The following RIN2 variants were observed in gnomAD, a reference collection of about 807,000 sequenced individuals.
RIN2 encodes the protein RAB5 interacting protein 2.
A neutral mutation model predicts 78.0 loss-of-function variants in RIN2; 36 were observed. That is an observed-to-expected ratio of 0.46 (90% CI 0.35 to 0.61). RIN2 has a LOEUF of 0.61. Ranked by LOEUF, RIN2 falls within the 20% of genes least tolerant of loss-of-function variation. The pLI is 0.00. For synonymous variants in RIN2, 466 were observed against 466.8 expected, an observed-to-expected ratio of 1.00 and a Z score of 0.02; for missense variants, 1,087 against 1,159.7, an observed-to-expected ratio of 0.94 and a Z score of 0.91.
intron 3 of RIN2, among the ~76,000 whole-genome samples, chr20:19,911,139 G>A (rs1050674694): frequency 4.6e-5 from 7 of 151,292 alleles, no homozygotes; most frequent in Admixed American, 6.6e-5. Flanking sequence ...CAACCTCTGC[G>A]TCCCAGTTTC....
At chr20:19,832,981 A>G (rs1193234845) in intron 2 of RIN2, among the ~76,000 whole-genome samples, 5 of 152,140 alleles carry the variant, frequency 3.3e-5, no homozygotes, top group African/African-American at 4.8e-5. Context: ...AGCAGCCCCT[A>G]TGCTCCAGAG....
chr20:19,979,834 G>A (rs974089414), intron 9 of RIN2, among the ~76,000 whole-genome samples: 2 of 151,922 alleles, frequency 1.3e-5, no homozygotes, highest in African/African-American at 4.8e-5. Flanking sequence ...CCTGAGGTCA[G>A]GAGTTTGAGA....
At chr20:19,849,890 A>G (rs2036906739) in intron 2 of RIN2, among the ~76,000 whole-genome samples, 1 of 152,196 alleles carries the variant, frequency 6.6e-6, no homozygotes. Context: ...AGATGAGGCT[A>G]GAGAAAGCAG....
At chr20:19,814,598 A>T (rs1439034810) in intron 2 of RIN2, among the ~76,000 whole-genome samples, 3 of 151,960 alleles carry the variant, frequency 2.0e-5, no homozygotes, top group Non-Finnish European at 4.4e-5. Flanking sequence ...GTCTATAGTA[A>T]TTTTATATTT....
At chr20:19,781,054 G>C (rs2034485843) in intron 1 of RIN2, among the ~76,000 whole-genome samples, 1 of 152,188 alleles carries the variant, frequency 6.6e-6, no homozygotes, top group South Asian at 2.1e-4. Context: ...TGATAATGCA[G>C]GGATCCAGGC....
chr20:19,991,191 T>G (rs2042787909), intron 10 of RIN2, among the ~76,000 whole-genome samples: 1 of 152,118 alleles, frequency 6.6e-6, no homozygotes, highest in South Asian at 2.1e-4. Context: ...AATTGTTGAG[T>G]GAAGAAGTTA....
chr20:19,916,968 G>A (rs558228548), intron 3 of RIN2, among the ~76,000 whole-genome samples: 3 of 152,196 alleles, frequency 2.0e-5, no homozygotes, highest in South Asian at 2.1e-4. Flanking sequence ...AGCAGTGGGC[G>A]CAGGAAAAGT....
intron 3 of RIN2, among the ~76,000 whole-genome samples, chr20:19,921,222 C>T (rs183390511): frequency 7.9e-4 from 121 of 152,308 alleles, no homozygotes; most frequent in African/African-American, 2.8e-3. Flanking sequence ...AAACGTTTTA[C>T]ACTCAATGAG....
At chr20:19,935,509 A>C in intron 4 of RIN2, 1 of 1,108,300 alleles carries the variant, frequency 9.0e-7, no homozygotes, top group Non-Finnish European at 1.1e-6. Context: ...ATGCAGCAAG[A>C]TCCAGCGTGT....
At chr20:19,817,117 A>G (rs2035789922) in intron 2 of RIN2, among the ~76,000 whole-genome samples, 1 of 152,240 alleles carries the variant, frequency 6.6e-6, no homozygotes. Context: ...TCAACAGTCT[A>G]AAACTGAAAA....
intron 1 of RIN2, among the ~76,000 whole-genome samples, chr20:19,764,917 C>G (rs6112563): frequency 5.8e-4 from 66 of 114,206 alleles, no homozygotes; most frequent in South Asian, 1.8e-3. Context: ...TCACTTTCTG[C>G]GTTTTTTTTT....
intron 4 of RIN2, chr20:19,935,694 G>A: frequency 4.6e-6 from 4 of 861,654 alleles, no homozygotes; most frequent in South Asian, 5.3e-5. Flanking sequence ...TTGTAAATTC[G>A]ATACAAAGGG....
intron 4 of RIN2, chr20:19,935,585 A>G (rs973133890): frequency 4.0e-6 from 4 of 1,002,082 alleles, no homozygotes; most frequent in Non-Finnish European, 4.8e-6. Context: ...GCTAAAGAGG[A>G]TGGACTCATT....
chr20:19,843,571 T>C (rs1033143256), intron 2 of RIN2, among the ~76,000 whole-genome samples: 5 of 152,228 alleles, frequency 3.3e-5, no homozygotes, highest in Admixed American at 3.3e-4. Flanking sequence ...AGGTACTTAA[T>C]AGACTATAGT....
chr20:19,985,825 G>A (rs981998439), intron 9 of RIN2, among the ~76,000 whole-genome samples: 5 of 152,170 alleles, frequency 3.3e-5, no homozygotes, highest in African/African-American at 1.2e-4. Flanking sequence ...GAATACAGTT[G>A]ACATTACTCC....
intron 1 of RIN2, among the ~76,000 whole-genome samples, chr20:19,787,590 CA>C (rs1003251089): frequency 3.9e-5 from 6 of 152,030 alleles, no homozygotes; most frequent in African/African-American, 1.5e-4. Context: ...TGACCACAGG[CA>C]AGTAAATTTA....
intron 3 of RIN2, among the ~76,000 whole-genome samples, chr20:19,925,007 G>A (rs2040168289): frequency 6.6e-6 from 1 of 151,058 alleles, no homozygotes; most frequent in East Asian, 2.0e-4. Context: ...CCAAAGTGCT[G>A]GGATTACAGG....
chr20:19,772,441 T>C (rs937666380), intron 1 of RIN2, among the ~76,000 whole-genome samples: 1 of 152,180 alleles, frequency 6.6e-6, no homozygotes, highest in Non-Finnish European at 1.5e-5. Flanking sequence ...CCATATGATG[T>C]GATTTTCTAG....
chr20:19,987,383 G>A (rs2042654278), intron 9 of RIN2, among the ~76,000 whole-genome samples: 1 of 152,152 alleles, frequency 6.6e-6, no homozygotes, highest in African/African-American at 2.4e-5. Context: ...AGAATGTTTG[G>A]ATGAGAGGAA....
Sources: allele counts gnomAD v4.1 joint callset (sites outside exome capture counted in the v4.1 genomes callset), GRCh38; gene constraint gnomAD v4.1.1; transcripts MANE v1.5; gene names NCBI Gene and HGNC (gene_info 2026-07-23, HGNC 2026-07-21).